The following ASL variants were observed in gnomAD, a reference collection of about 807,000 sequenced individuals.
ASL encodes argininosuccinase.
A neutral mutation model predicts 69.1 loss-of-function variants in ASL; 51 were observed. The observed-to-expected ratio is 0.74, with a 90% CI of 0.59 to 0.93. The LOEUF is 0.93. Ranked by LOEUF, ASL falls within the 40% of genes least tolerant of loss-of-function variation. The probability of loss-of-function intolerance (pLI) is 0.00; values close to 1 mark genes in which losing one functional copy is unlikely to be tolerated. For missense variants in ASL, 540 were observed against 623.9 expected (o/e 0.87, Z 1.43); for synonymous variants, 241 against 247.6 (o/e 0.97, Z 0.25).
chr7:66,077,683 C>G (rs1018541842), intron 2 of ASL, among the ~76,000 whole-genome samples: 1 of 151,998 alleles, frequency 6.6e-6, no homozygotes, highest in Non-Finnish European at 1.5e-5. Flanking sequence ...GAGCTGAGAT[C>G]GCACCACTGC....
chr7:66,089,227 A>G, intron 12 of ASL, 49 bp from the exon 13 acceptor site: 2 of 1,611,276 alleles, frequency 1.2e-6, no homozygotes, highest in Non-Finnish European at 8.5e-7. Flanking sequence ...GTGGGTGGCC[A>G]GGGGGGCAGG....
chr7:66,078,950 C>G (rs975661092), intron 2 of ASL, among the ~76,000 whole-genome samples: 1 of 152,090 alleles, frequency 6.6e-6, no homozygotes, highest in African/African-American at 2.4e-5. Context: ...TGCTCTGTCG[C>G]CCAGGCTGGA....
At chr7:66,089,473 CT>C (rs1349855898) in intron 13 of ASL, 138 bp downstream of exon 13, 1 of 1,429,724 alleles carries the variant, frequency 7.0e-7, no homozygotes, top group East Asian at 2.5e-5. Flanking sequence ...CCCTTGAACT[CT>C]CTGCCCTTCC....
chr7:66,082,953 AC>A lies in ASL; in HGVS notation c.348+22del. ...AATGACCAGGTGCTTTAGCCCCTCC[AC>A]CCCCTGCTCCGTGTTGTCCCAACCT... On this transcript the variant is annotated intron_variant, in intron 5 of 16. Transcript: ENST00000304874. The A allele has an allele frequency of 6.2e-7, 1 of 1,612,892 alleles. No individual in the cohort carries two copies.
chr7:66,080,572 A>C (rs1370265947), intron 2 of ASL, among the ~76,000 whole-genome samples: 1 of 150,468 alleles, frequency 6.6e-6, no homozygotes, highest in Non-Finnish European at 1.5e-5. Flanking sequence ...AAAATATAAA[A>C]CTCAGCCAGG....
At chr7:66,092,223 G>A in intron 15 of ASL, 137 bp downstream of exon 15, 2 of 1,035,780 alleles carry the variant, frequency 1.9e-6, no homozygotes, top group South Asian at 1.4e-5. Context: ...AAGCCGAGGT[G>A]GGCGGGTCAC....
At chr7:66,082,824 T>G in intron 4 of ASL, 56 bp from the exon 5 acceptor site, 1 of 1,608,888 alleles carries the variant, frequency 6.2e-7, no homozygotes, top group Non-Finnish European at 8.5e-7. Flanking sequence ...CTGCCCTGCC[T>G]GGGTTGACTC....
intron 1 of ASL, 31 bp downstream of exon 1, chr7:66,075,887 G>C (rs1015270428): frequency 6.4e-6 from 4 of 625,602 alleles, no homozygotes; most frequent in South Asian, 4.1e-5. Flanking sequence ...TGGGCGGGAC[G>C]GGCGTGGAGG....
intron 2 of ASL, among the ~76,000 whole-genome samples, chr7:66,081,142 C>G (rs190796017): frequency 3.3e-5 from 5 of 152,318 alleles, no homozygotes; most frequent in African/African-American, 1.2e-4. Context: ...TTGGTGCCTA[C>G]CCAGAGGGTT....
chr7:66,086,486 A>G, intron 6 of ASL, 99 bp from the exon 7 acceptor site: 1 of 1,287,368 alleles, frequency 7.8e-7, no homozygotes, highest in Middle Eastern at 2.5e-4. Flanking sequence ...CTGCAGCGTG[A>G]CACTTTTTCC....
chr7:66,087,473 G>A, intron 9 of ASL, 87 bp downstream of exon 9: 1 of 1,483,848 alleles, frequency 6.7e-7, no homozygotes, highest in Non-Finnish European at 9.3e-7. Context: ...AGAGGGCAGG[G>A]GCCTGTGGCT....
rs1414462564 is a variant in ASL, at chr7:66,087,387, G to T, written c.655+1G>T. ...GTGGACCGAGAGCTGCTCCGAGCAG[G>T]TGAGACGTCCTGCCCCTCCTCCCCA... On this transcript the variant is annotated splice_donor_variant, in intron 9 of 16. Coordinates refer to ENST00000304874, the MANE Select transcript of ASL (RefSeq NM_000048.4). LOFTEE classifies it high-confidence loss of function. 2 of 1,606,948 alleles carry T rather than the reference G, an allele frequency of 1.2e-6. No homozygotes were observed. Among genetic ancestry groups the T allele is most frequent in the Non-Finnish European group, 1.7e-6 (2 of 1,179,916 alleles).
Position 66,093,239 on chromosome 7 carries a change from C to A in ASL, c.*327C>A. 1 of 430,590 alleles carries A rather than the reference C, an allele frequency of 2.3e-6. No individual in the cohort carries two copies. The highest frequency in any genetic ancestry group is 2.1e-5 in the South Asian group (1 of 46,972). The allele number at this position is 430,590 out of a possible 1,614,324, so 26.7% of individuals were successfully genotyped here. ...GGCTGAGGTGAGAGGACACTTGTGC[C>A]CAGGAGTGGAGGCTGCAGTGAGCTA... On this transcript the variant is annotated 3_prime_UTR_variant, in exon 17 of 17. Transcript: ENST00000304874.
In ASL at chr7:66,082,312, C is replaced by T. The variant is rs1786528309; in HGVS notation, c.208-56C>T. On this transcript the variant is annotated intron_variant, in intron 3 of 16. Coordinates refer to ENST00000304874, the MANE Select transcript of ASL (RefSeq NM_000048.4). ...ATAGGGTGGGACCAAGGCAGGGGCTCTCTTGGCTGCTGATGCCTGCTCACC... is the reference window on the plus strand; with the variant it reads ...ATAGGGTGGGACCAAGGCAGGGGCTTTCTTGGCTGCTGATGCCTGCTCACC... The T allele has an allele frequency of 2.0e-6, 3 of 1,529,140 alleles. No homozygotes were observed. In the South Asian group the frequency reaches 3.6e-5, roughly 18 times the overall value. 94.7% of individuals were successfully genotyped at this position (1,529,140 alleles called of 1,614,324 possible). A position where few individuals can be genotyped will look rare whatever the true frequency, so the allele number is the denominator to read the frequency against.
chr7:66,089,580 T>C (rs757448120), intron 13 of ASL, 32 bp from the exon 14 acceptor site: 1 of 1,610,958 alleles, frequency 6.2e-7, no homozygotes, highest in Non-Finnish European at 8.5e-7. Flanking sequence ...AGGGGGCTGC[T>C]AGGCCCTCAC....
At chr7:66,089,011 C>A (rs1786756006) in intron 11 of ASL, 80 bp from the exon 12 acceptor site, 1 of 1,608,534 alleles carries the variant, frequency 6.2e-7, no homozygotes, top group East Asian at 2.2e-5. Context: ...CCCCGTCCCA[C>A]CCCTCCGCCA....
Position 66,086,819 on chromosome 7 carries a change from G to A in ASL, c.600G>A (p.Gly200=). The A allele has an allele frequency of 6.4e-7, 1 of 1,572,694 alleles. No homozygotes were observed. ...AGCGGATCAATGTCCTGCCCCTGGG[G>A]AGGTGGGTGAGGCTCCAGTGCCCCG... ...VRKRINVLPL[G]SGAIAGNPLG... Residue 200 remains glycine (G), a splice_region_variant and synonymous_variant, in exon 8 of 17, where the codon GGG becomes GGA. Coordinates refer to ENST00000304874, the MANE Select transcript of ASL (RefSeq NM_000048.4).
In ASL at chr7:66,087,373, G is replaced by A. The variant is rs1427327330; in HGVS notation, c.642G>A (p.Glu214=). ...GCAATCCCCTGGGTGTGGACCGAGA[G>A]CTGCTCCGAGCAGGTGAGACGTCCT... is the stretch of plus-strand genomic sequence containing the variant. The part of the protein sequence containing the change: ...IAGNPLGVDR[E]LLRAELNFGA... Residue 214 remains glutamate, a synonymous_variant, in exon 9 of 17, where the codon GAG becomes GAA. Coordinates refer to ENST00000304874, the MANE Select transcript of ASL (RefSeq NM_000048.4). The A allele has an allele frequency of 9.3e-6, 15 of 1,606,800 alleles. No individual in the cohort carries two copies. The South Asian group carries it at 1.5e-4, about 16-fold the overall frequency.
intron 8 of ASL, 162 bp from the exon 9 acceptor site, chr7:66,087,172 T>G (rs1786688866): frequency 1.3e-6 from 1 of 796,878 alleles, no homozygotes; most frequent in Non-Finnish European, 2.1e-6. Context: ...CCAAGGAGAC[T>G]GGGCCAGGGA....
Sources: gnomAD v4.1 joint callset for allele counts (sites outside exome capture counted in the v4.1 genomes callset) on GRCh38, gnomAD v4.1.1 for gene constraint, MANE v1.5 for transcripts, NCBI Gene and HGNC (gene_info 2026-07-23, HGNC 2026-07-21) for gene names.